The following CCDC7 variants were observed in gnomAD, a reference collection of about 807,000 sequenced individuals.
CCDC7 encodes coiled-coil domain-containing protein 7.
In CCDC7, 183 loss-of-function variants were observed where a neutral mutation model predicts 196.9. That is an observed-to-expected ratio of 0.93 (90% CI 0.82 to 1.05). CCDC7 has a LOEUF of 1.05. Among genes scored for constraint, CCDC7 ranks in the 50% least tolerant of loss-of-function variants. The probability of loss-of-function intolerance (pLI) is 0.00; values close to 1 mark genes in which losing one functional copy is unlikely to be tolerated. For synonymous variants in CCDC7, 525 were observed against 484.6 expected, an observed-to-expected ratio of 1.08 and a Z score of -1.10; for missense variants, 1,540 against 1,482.2, an observed-to-expected ratio of 1.04 and a Z score of -0.64.
intron 28 of CCDC7, among the ~76,000 whole-genome samples, chr10:32,771,561 C>T (rs1221102158): frequency 6.6e-6 from 1 of 152,094 alleles, no homozygotes; most frequent in Non-Finnish European, 1.5e-5. Flanking sequence ...TTTTAGATTT[C>T]TTCTAACTGC....
At chr10:32,821,883 C>A (rs1268772183) in intron 31 of CCDC7, among the ~76,000 whole-genome samples, 7 of 151,928 alleles carry the variant, frequency 4.6e-5, no homozygotes, top group Admixed American at 4.6e-4. Context: ...ATGGGTGCAG[C>A]ACACCAACAT....
At chr10:32,508,830 A>G (rs1453251727) in intron 9 of CCDC7, among the ~76,000 whole-genome samples, 4 of 151,314 alleles carry the variant, frequency 2.6e-5, no homozygotes, top group African/African-American at 9.7e-5. Context: ...ACGGGGTTTT[A>G]CCATGTTGGC....
chr10:32,807,968 C>G (rs897782779), intron 30 of CCDC7, among the ~76,000 whole-genome samples: 1 of 152,094 alleles, frequency 6.6e-6, no homozygotes, highest in Non-Finnish European at 1.5e-5. Context: ...ATCCCTACAT[C>G]GTAGAGCCCC....
At chr10:32,834,331 A>G (rs1050673591) in intron 32 of CCDC7, among the ~76,000 whole-genome samples, 1 of 152,082 alleles carries the variant, frequency 6.6e-6, no homozygotes, top group Non-Finnish European at 1.5e-5. Context: ...GACTATAAAG[A>G]CCATAGTTCA....
At chr10:32,817,425 C>A (rs2088971041) in intron 31 of CCDC7, among the ~76,000 whole-genome samples, 1 of 152,114 alleles carries the variant, frequency 6.6e-6, no homozygotes, top group South Asian at 2.1e-4. Flanking sequence ...AGGATATTAT[C>A]CAGGAGAACT....
intron 41 of CCDC7, among the ~76,000 whole-genome samples, chr10:32,862,965 A>C (rs765781449): frequency 2.6e-5 from 4 of 152,148 alleles, no homozygotes; most frequent in Admixed American, 1.3e-4. Flanking sequence ...AGATTTGCAC[A>C]CTGACAACTA....
At chr10:32,812,504 A>T (rs2087382162) in intron 30 of CCDC7, among the ~76,000 whole-genome samples, 1 of 152,126 alleles carries the variant, frequency 6.6e-6, no homozygotes, top group Non-Finnish European at 1.5e-5. Context: ...TCTATATTTC[A>T]CTGGAATTTA....
intron 21 of CCDC7, among the ~76,000 whole-genome samples, chr10:32,669,855 A>G (rs1394427029): frequency 6.6e-6 from 1 of 152,108 alleles, no homozygotes; most frequent in African/African-American, 2.4e-5. Flanking sequence ...ATCATTTTAA[A>G]TATTTAACTT....
chr10:32,754,325 A>T (rs934315756), intron 28 of CCDC7, among the ~76,000 whole-genome samples: 1 of 152,174 alleles, frequency 6.6e-6, no homozygotes, highest in African/African-American at 2.4e-5. Context: ...ATAACTGATA[A>T]ATAAACACTA....
At chr10:32,791,637 T>C (rs1467229959) in intron 29 of CCDC7, among the ~76,000 whole-genome samples, 1 of 146,630 alleles carries the variant, frequency 6.8e-6, no homozygotes, top group Non-Finnish European at 1.5e-5. Context: ...AGAAAAAAAA[T>C]CTGTGACCTT....
chr10:32,815,902 C>T (rs2152506), intron 31 of CCDC7, among the ~76,000 whole-genome samples: 140,450 of 152,216 alleles, frequency 0.92, 65,800 homozygotes, highest in East Asian at 1. Context: ...AGCTCCAGTC[C>T]ACAGCTCCCA....
intron 23 of CCDC7, 69 bp from the exon 25 acceptor site, chr10:32,694,810 T>G (rs2077502349): frequency 1.1e-6 from 1 of 906,084 alleles, no homozygotes; most frequent in Non-Finnish European, 1.6e-6. Flanking sequence ...CAATTACAAG[T>G]TTGAAATCTA....
chr10:32,674,660 C>A (rs2074621113), intron 21 of CCDC7, among the ~76,000 whole-genome samples: 1 of 151,902 alleles, frequency 6.6e-6, no homozygotes, highest in South Asian at 2.1e-4. Flanking sequence ...ATGATCTATC[C>A]ATTTTTGAAA....
At chr10:32,460,533 C>T (rs964122640) in intron 3 of CCDC7, among the ~76,000 whole-genome samples, 1 of 152,110 alleles carries the variant, frequency 6.6e-6, no homozygotes. Context: ...CATCAGGTTC[C>T]AGTGCAGGAA....
At chr10:32,581,049 A>G (rs1003078172) in intron 16 of CCDC7, among the ~76,000 whole-genome samples, 5 of 152,140 alleles carry the variant, frequency 3.3e-5, no homozygotes, top group African/African-American at 1.2e-4. Flanking sequence ...AAAGGATGCA[A>G]TGCTCAGATC....
Position 32,634,241 on chromosome 10 carries a change from T to A in CCDC7, c.1802-13T>A. 8.9e-7 allele frequency: 1 copy of A among 1,125,242 alleles called. No individual in the cohort carries two copies. The highest frequency in any genetic ancestry group is 1.1e-6 in the Non-Finnish European group (1 of 891,164). The allele number at this position is 1,125,242 out of a possible 1,614,324, so 69.7% of individuals were successfully genotyped here. A position where few individuals can be genotyped will look rare whatever the true frequency, so the allele number is the denominator to read the frequency against. On this transcript the variant is annotated splice_polypyrimidine_tract_variant and intron_variant, in intron 18 of 41. Transcript: ENST00000639629. Reference sequence around the variant, plus strand: ...TTCTCTATTTGGTAGACTAAATGAATCTTTTTATGTAGCTGACAGTGAAGT... The same window carrying A: ...TTCTCTATTTGGTAGACTAAATGAAACTTTTTATGTAGCTGACAGTGAAGT...
intron 18 of CCDC7, among the ~76,000 whole-genome samples, chr10:32,631,293 T>G (rs937662352): frequency 6.6e-6 from 1 of 152,216 alleles, no homozygotes; most frequent in Non-Finnish European, 1.5e-5. Flanking sequence ...GTTTTAACTC[T>G]TAATATTTAG....
intron 13 of CCDC7, among the ~76,000 whole-genome samples, chr10:32,553,021 G>T (rs11813329): frequency 0.053 from 8,033 of 150,910 alleles, 711 homozygotes; most frequent in African/African-American, 0.18. Flanking sequence ...TTTTTTCTAA[G>T]ATTTTAGAAT....
chr10:32,542,960 A>G (rs978450072), intron 11 of CCDC7, among the ~76,000 whole-genome samples: 5 of 152,098 alleles, frequency 3.3e-5, no homozygotes, highest in Non-Finnish European at 7.4e-5. Context: ...CACCTAACCC[A>G]TTTCCCCCAT....
Sources: allele counts gnomAD v4.1 joint callset (sites outside exome capture counted in the v4.1 genomes callset), GRCh38; gene constraint gnomAD v4.1.1; transcripts MANE v1.5; gene names NCBI Gene and HGNC (gene_info 2026-07-23, HGNC 2026-07-21).